PHF24: variants seen among roughly 807,000 people sequenced by gnomAD.
The protein encoded by PHF24 is Galpha inhibitory interacting protein.
PHF24 carries 25 observed loss-of-function variants against 42.6 expected under a neutral mutation model. The ratio of observed to expected loss-of-function variants is 0.59; its 90% CI spans 0.43 to 0.82. The LOEUF (loss-of-function observed/expected upper bound fraction) is 0.82, where lower values mean the gene tolerates loss of function less well. Ranked by LOEUF, PHF24 falls within the 40% of genes least tolerant of loss-of-function variation. PHF24 has a pLI of 0.00. For synonymous variants in PHF24, 185 were observed against 204.8 expected, an observed-to-expected ratio of 0.90 and a Z score of 0.83; for missense variants, 470 against 538.1, an observed-to-expected ratio of 0.87 and a Z score of 1.25.
At chr9:34,930,224 C>T in the PHF24 span, among the ~76,000 whole-genome samples, 2 of 152,038 alleles carry the variant, frequency 1.3e-5, no homozygotes, top group South Asian at 2.1e-4. Flanking sequence ...TAAGTGGTGC[C>T]GAGACTCATG....
chr9:34,813,890 C>G, the PHF24 span, among the ~76,000 whole-genome samples: 84,368 of 151,540 alleles, frequency 0.56, 24,505 homozygotes, highest in Non-Finnish European at 0.64. Context: ...ACCGTCCCCA[C>G]CAACAATAGC....
At chr9:34,693,605 A>T in the PHF24 span, among the ~76,000 whole-genome samples, 1 of 152,174 alleles carries the variant, frequency 6.6e-6, no homozygotes, top group South Asian at 2.1e-4. Context: ...AAAGTTTGAG[A>T]TCCAAACGAG....
chr9:34,879,635 G>A, the PHF24 span, among the ~76,000 whole-genome samples: 14 of 152,296 alleles, frequency 9.2e-5, no homozygotes, highest in East Asian at 3.9e-4. Context: ...GAAATGAAGC[G>A]AGAAGAGAAG....
chr9:34,669,404 C>T, the PHF24 span, among the ~76,000 whole-genome samples: 2 of 152,050 alleles, frequency 1.3e-5, no homozygotes, highest in Admixed American at 1.3e-4. Flanking sequence ...AACCAATATG[C>T]TGAGAAGAGG....
At chr9:34,863,997 A>G in the PHF24 span, among the ~76,000 whole-genome samples, 1 of 152,278 alleles carries the variant, frequency 6.6e-6, no homozygotes, top group Non-Finnish European at 1.5e-5. Flanking sequence ...TGAAAAATAC[A>G]GCTGACATAC....
chr9:34,845,731 T>C, the PHF24 span, among the ~76,000 whole-genome samples: 2 of 147,398 alleles, frequency 1.4e-5, no homozygotes, highest in African/African-American at 5.0e-5. Flanking sequence ...GTATATCTCC[T>C]AAAGCGATCC....
At chr9:34,742,475 C>T in the PHF24 span, among the ~76,000 whole-genome samples, 177 of 152,296 alleles carry the variant, frequency 1.2e-3, 1 homozygote, top group Non-Finnish European at 1.3e-3. Context: ...TCGCTGCAGG[C>T]CCCCCAACAA....
At chr9:34,757,833 G>A in the PHF24 span, among the ~76,000 whole-genome samples, 401 of 152,228 alleles carry the variant, frequency 2.6e-3, 8 homozygotes, top group Non-Finnish European at 1.9e-3. Flanking sequence ...GCATATATAT[G>A]CACATGGTGT....
the PHF24 span, among the ~76,000 whole-genome samples, chr9:34,767,793 G>C: frequency 9.8e-5 from 15 of 152,382 alleles, no homozygotes; most frequent in African/African-American, 3.6e-4. Flanking sequence ...CCCATCTTCT[G>C]CGTCGCTCAC....
chr9:34,880,343 C>T, the PHF24 span, among the ~76,000 whole-genome samples: 1 of 152,188 alleles, frequency 6.6e-6, no homozygotes, highest in Non-Finnish European at 1.5e-5. Flanking sequence ...CAAATTTACA[C>T]ATAACAATAT....
chr9:34,934,529 GC>G, the PHF24 span, among the ~76,000 whole-genome samples: 110 of 106,982 alleles, frequency 1.0e-3, no homozygotes, highest in Middle Eastern at 0.014. Context: ...TGTACCCCCA[GC>G]CCCCCCTTCC....
chr9:34,910,743 CA>C, the PHF24 span, among the ~76,000 whole-genome samples: 2 of 151,798 alleles, frequency 1.3e-5, no homozygotes, highest in Non-Finnish European at 2.9e-5. Context: ...TGTCATGATT[CA>C]GAGTCTCTAA....
chr9:34,840,085 G>C, the PHF24 span, among the ~76,000 whole-genome samples: 62 of 152,292 alleles, frequency 4.1e-4, no homozygotes, highest in East Asian at 0.011. Context: ...AGCAATTGTG[G>C]GAAAGATTGG....
At chr9:34,745,136 G>A in the PHF24 span, among the ~76,000 whole-genome samples, 3 of 152,224 alleles carry the variant, frequency 2.0e-5, no homozygotes, top group Non-Finnish European at 2.9e-5. Flanking sequence ...CCAGCTGGCA[G>A]ACTATCCTCC....
the PHF24 span, chr9:34,728,168 T>C: frequency 8.0e-7 from 1 of 1,252,464 alleles, no homozygotes; most frequent in Non-Finnish European, 1.1e-6. Context: ...CCTTTGACTC[T>C]CATCAAGAAA....
At chr9:34,810,203 G>A in the PHF24 span, among the ~76,000 whole-genome samples, 1 of 152,146 alleles carries the variant, frequency 6.6e-6, no homozygotes, top group Admixed American at 6.5e-5. Context: ...TCACCTGAGG[G>A]GCGGGTTTGT....
the PHF24 span, among the ~76,000 whole-genome samples, chr9:34,722,349 G>T: frequency 6.6e-6 from 1 of 152,208 alleles, no homozygotes; most frequent in Admixed American, 6.5e-5. Flanking sequence ...GAAAGATGGA[G>T]CTGCCATTCA....
At chr9:34,954,800 A>G (rs1307947534), upstream of PHF24, among the ~76,000 whole-genome samples, 2 of 152,234 alleles carry the variant, frequency 1.3e-5, no homozygotes, top group Admixed American at 6.5e-5. Context: ...ATAAGGAAAA[A>G]AACACATATA....
At chr9:34,758,062 A>G in the PHF24 span, among the ~76,000 whole-genome samples, 1 of 152,144 alleles carries the variant, frequency 6.6e-6, no homozygotes, top group African/African-American at 2.4e-5. This position sits in a 1 kb window ranked among gnomAD's most constrained non-coding sequence, Gnocchi z 4.4. Flanking sequence ...CAGGTCCAAG[A>G]TGACATCGCA....
Sources: gnomAD v4.1 joint callset for allele counts (sites outside exome capture counted in the v4.1 genomes callset) on GRCh38, gnomAD v4.1.1 for gene constraint, Gnocchi (gnomAD v3.1) non-coding constraint, MANE v1.5 for transcripts, NCBI Gene and HGNC (gene_info 2026-07-23, HGNC 2026-07-21) for gene names.